UBE4B: variants seen among roughly 807,000 people sequenced by gnomAD.
UBE4B encodes the protein ubiquitination factor E4B.
Under a neutral mutation model 148.1 loss-of-function variants are expected in UBE4B, and 27 were observed. The ratio of observed to expected loss-of-function variants is 0.18; its 90% confidence interval spans 0.13 to 0.25. UBE4B has a LOEUF of 0.25. Among genes scored for constraint, UBE4B ranks in the 10% least tolerant of loss-of-function variants. The pLI is 1.00. For missense variants in UBE4B, 1,170 were observed against 1,662.4 expected (o/e 0.70, Z 5.15); for synonymous variants, 596 against 619.3 (o/e 0.96, Z 0.56).
chr1:10,101,096 T>C lies in UBE4B; in HGVS notation c.348-12T>C. 1 of 1,613,446 alleles carries C rather than the reference T, an allele frequency of 6.2e-7. No homozygotes were observed. Among genetic ancestry groups the C allele is most frequent in the South Asian group, 1.1e-5 (1 of 91,040 alleles). ...AAAAGGTAAAAGGCTTGTTTGTCTTTTGTACTTTAAGCATGTCCCAGGTGG... is the reference window on the plus strand; with the variant it reads ...AAAAGGTAAAAGGCTTGTTTGTCTTCTGTACTTTAAGCATGTCCCAGGTGG... On this transcript the variant is annotated splice_polypyrimidine_tract_variant and intron_variant, in intron 3 of 27. Transcript: ENST00000343090.
chr1:10,151,626 T>A, intron 21 of UBE4B, 65 bp downstream of exon 21: 1 of 1,393,348 alleles, frequency 7.2e-7, no homozygotes, highest in Non-Finnish European at 1.0e-6. Context: ...CTAAAGCTAG[T>A]GGACGACGTT....
intron 21 of UBE4B, among the ~76,000 whole-genome samples, chr1:10,157,449 C>A (rs933802139): frequency 2.0e-5 from 3 of 151,940 alleles, no homozygotes; most frequent in Non-Finnish European, 4.4e-5. Flanking sequence ...CTGCACTTTA[C>A]CCTGGGTGAC....
intron 8 of UBE4B, 148 bp downstream of exon 8, chr1:10,117,748 A>G (rs1645336485): frequency 5.9e-6 from 6 of 1,018,948 alleles, no homozygotes; most frequent in South Asian, 2.0e-5. Context: ...GGAACTTAGG[A>G]TGTGTCGATG....
intron 21 of UBE4B, among the ~76,000 whole-genome samples, chr1:10,153,455 G>A (rs754849857): frequency 3.8e-5 from 5 of 133,198 alleles, no homozygotes; most frequent in South Asian, 2.4e-4. Context: ...TTGCTGCTGC[G>A]TTCCAGCCTG....
At chr1:10,047,408 C>G (rs1643933525) in intron 1 of UBE4B, among the ~76,000 whole-genome samples, 1 of 152,006 alleles carries the variant, frequency 6.6e-6, no homozygotes, top group African/African-American at 2.4e-5. Flanking sequence ...AATCTGCATC[C>G]CAGTCCTTAG....
chr1:10,084,598 C>A (rs1242340026), intron 2 of UBE4B, among the ~76,000 whole-genome samples: 2 of 152,002 alleles, frequency 1.3e-5, no homozygotes, highest in Non-Finnish European at 2.9e-5. Context: ...TAGTAGGTAT[C>A]CAGGAAGTAG....
intron 1 of UBE4B, among the ~76,000 whole-genome samples, chr1:10,055,462 G>A (rs1342122116): frequency 6.6e-6 from 1 of 152,050 alleles, no homozygotes; most frequent in Non-Finnish European, 1.5e-5. Context: ...CTACAGGCGT[G>A]TGCTGCCACA....
chr1:10,168,249 C>G lies in UBE4B; in HGVS notation c.3312C>G (p.Val1104=). Reference sequence around the variant, plus strand: ...TGTTCCACATCCTCACGAAGCAGGTCCAGAAGCCCTTCCTCAGACCGGTGA... The same window carrying G: ...TGTTCCACATCCTCACGAAGCAGGTGCAGAAGCCCTTCCTCAGACCGGTGA... The part of the protein sequence containing the change: ...VDMFHILTKQ[V]QKPFLRPELG... The change falls in exon 24 of 28, where the codon GTC becomes GTG. Residue 1104 remains valine (V), a synonymous_variant. Transcript: ENST00000343090. This position sits in a 1 kb window ranked among gnomAD's most constrained non-coding sequence, Gnocchi z 4.9. 6.2e-7 allele frequency: 1 copy of G among 1,614,134 alleles called. No individual in the cohort carries two copies. Among genetic ancestry groups the G allele is most frequent in the East Asian group, 2.2e-5 (1 of 44,880 alleles).
intron 1 of UBE4B, among the ~76,000 whole-genome samples, chr1:10,059,921 T>A (rs1345826179): frequency 6.6e-6 from 1 of 152,136 alleles, no homozygotes; most frequent in Non-Finnish European, 1.5e-5. Context: ...GTGGCAACTC[T>A]GGGGTCTTTG....
chr1:10,158,423 C>A lies in UBE4B; in HGVS notation c.2994C>A (p.Thr998=), dbSNP rs959479617. 3 of 1,614,152 alleles carry A rather than the reference C, an allele frequency of 1.9e-6. No individual in the cohort carries two copies. Among genetic ancestry groups the A allele is most frequent in the Middle Eastern group, 1.6e-4 (1 of 6,062 alleles). ...TCACAATTCGCTATCATATTAGCAC[C>A]ATTTTTAAAAGCCTTTGGCAAAACA... ...DKFTIRYHIS[T]IFKSLWQNIA... is the part of the protein sequence containing the mutation. The change falls in exon 22 of 28, where the codon ACC becomes ACA. Residue 998 remains threonine, a synonymous_variant. Coordinates refer to ENST00000343090, the MANE Select transcript of UBE4B (RefSeq NM_001105562.3).
chr1:10,121,719 T>C (rs1443160566), intron 9 of UBE4B, among the ~76,000 whole-genome samples: 1 of 152,174 alleles, frequency 6.6e-6, no homozygotes, highest in Non-Finnish European at 1.5e-5. Context: ...AGTGCTTCAT[T>C]TTTAAAGGGC....
In UBE4B at chr1:10,158,449, T is replaced by A; in HGVS notation, c.3020T>A (p.Ile1007Lys). ...STIFKSLWQN[I>K]AHHGTFMEEF... ...ATTTTTAAAAGCCTTTGGCAAAACA[T>A]AGCTCACCATGGCACCTTTATGGAG... The change falls in exon 22 of 28, where the codon ATA becomes AAA. Residue 1007 changes from isoleucine to lysine, a missense_variant. Coordinates refer to ENST00000343090, the MANE Select transcript of UBE4B (RefSeq NM_001105562.3). 1 of 1,614,168 alleles carries A rather than the reference T, an allele frequency of 6.2e-7. No homozygotes were observed. The highest frequency in any genetic ancestry group is 8.5e-7 in the Non-Finnish European group (1 of 1,180,026).
chr1:10,138,017 C>G (rs1336677326), intron 17 of UBE4B, among the ~76,000 whole-genome samples: 2 of 142,928 alleles, frequency 1.4e-5, no homozygotes, highest in East Asian at 4.4e-4. Context: ...TCGGTGCAAC[C>G]TCTGCCTCCC....
At chr1:10,096,953 C>T (rs1333530715) in intron 3 of UBE4B, among the ~76,000 whole-genome samples, 5 of 151,360 alleles carry the variant, frequency 3.3e-5, no homozygotes, top group Non-Finnish European at 4.4e-5. Context: ...GCAGGAGAAT[C>T]ACTTGAACCT....
intron 1 of UBE4B, among the ~76,000 whole-genome samples, chr1:10,069,737 G>T (rs1644451666): frequency 6.6e-6 from 1 of 152,100 alleles, no homozygotes. Flanking sequence ...GTTTTGCCGT[G>T]TTGGCCAGGC....
intron 1 of UBE4B, among the ~76,000 whole-genome samples, chr1:10,039,972 C>T (rs1643692684): frequency 6.6e-6 from 1 of 151,802 alleles, no homozygotes; most frequent in Admixed American, 6.6e-5. Flanking sequence ...CTGTGATTAA[C>T]CCAGTTTTGA....
chr1:10,073,800 A>C (rs886525643), intron 2 of UBE4B, among the ~76,000 whole-genome samples: 3 of 151,602 alleles, frequency 2.0e-5, no homozygotes, highest in Non-Finnish European at 4.4e-5. Flanking sequence ...AGGCTGTTGC[A>C]CCATGCTTCC....
intron 1 of UBE4B, chr1:10,059,774 A>G (rs1354938163): frequency 6.6e-6 from 1 of 152,282 alleles, no homozygotes; most frequent in Admixed American, 6.6e-5. Context: ...GAAGTTGTTG[A>G]GCGTATCTGG....
At chr1:10,156,673 A>AG (rs1373649507) in intron 21 of UBE4B, among the ~76,000 whole-genome samples, 1 of 152,188 alleles carries the variant, frequency 6.6e-6, no homozygotes, top group Non-Finnish European at 1.5e-5. Flanking sequence ...GGCTATCCTT[A>AG]TGTCAACACT....
Sources: gnomAD v4.1 joint callset for allele counts (sites outside exome capture counted in the v4.1 genomes callset) on GRCh38, gnomAD v4.1.1 for gene constraint, Gnocchi (gnomAD v3.1) non-coding constraint, MANE v1.5 for transcripts, NCBI Gene and HGNC (gene_info 2026-07-23, HGNC 2026-07-21) for gene names.